The following SGIP1 variants were observed in gnomAD, a reference collection of about 807,000 sequenced individuals.
The protein encoded by SGIP1 is SH3GL interacting endocytic adaptor 1.
A neutral mutation model predicts 107.5 loss-of-function variants in SGIP1; 38 were observed. That is an observed-to-expected ratio of 0.35 (90% confidence interval 0.27 to 0.46). The LOEUF is 0.46. Among genes scored for constraint, SGIP1 ranks in the 20% least tolerant of loss-of-function variants. The pLI is 1.00. For missense variants in SGIP1, 929 were observed against 1,019.5 expected, an observed-to-expected ratio of 0.91 and a Z score of 1.21; for synonymous variants, 365 against 366.1, an observed-to-expected ratio of 1.00 and a Z score of 0.03.
At chr1:66,582,267 G>C (rs527539982) in intron 1 of SGIP1, among the ~76,000 whole-genome samples, 1 of 152,084 alleles carries the variant, frequency 6.6e-6, no homozygotes, top group Non-Finnish European at 1.5e-5. Context: ...AACATTATTT[G>C]TATAACATTG....
intron 1 of SGIP1, among the ~76,000 whole-genome samples, chr1:66,589,263 A>C (rs2063226518): frequency 7.5e-6 from 1 of 133,206 alleles, no homozygotes; most frequent in African/African-American, 2.7e-5. Context: ...GAAATTTCTC[A>C]TGACTTAAAT....
At chr1:66,673,202 A>T in intron 11 of SGIP1, 79 bp from the exon 12 acceptor site, 1 of 1,421,704 alleles carries the variant, frequency 7.0e-7, no homozygotes, top group Admixed American at 1.7e-5. Context: ...TAAGAAAAAT[A>T]TGTGAAAGCT....
intron 1 of SGIP1, among the ~76,000 whole-genome samples, chr1:66,615,780 G>T (rs934760573): frequency 3.3e-5 from 5 of 152,148 alleles, no homozygotes; most frequent in African/African-American, 1.2e-4. Context: ...GGAGATGGAA[G>T]GATGTGAAGA....
chr1:66,672,014 A>T lies in SGIP1; in HGVS notation c.560+19A>T, dbSNP rs769655797. Reference sequence around the variant, plus strand: ...TTATAAGGTGAGTGTGAAAGACATTAGTTGTGTTTTATGCAAGGCATCATG... The same window carrying T: ...TTATAAGGTGAGTGTGAAAGACATTTGTTGTGTTTTATGCAAGGCATCATG... On this transcript the variant is annotated intron_variant, in intron 11 of 24. Coordinates refer to ENST00000371037, the MANE Select transcript of SGIP1 (RefSeq NM_032291.4). The T allele has an allele frequency of 6.2e-7, 1 of 1,613,128 alleles. No individual in the cohort carries two copies. Among genetic ancestry groups the T allele is most frequent in the African/African-American group, 1.3e-5 (1 of 75,034 alleles).
chr1:66,566,022 C>T (rs569572199), intron 1 of SGIP1, among the ~76,000 whole-genome samples: 7 of 152,082 alleles, frequency 4.6e-5, no homozygotes, highest in South Asian at 4.1e-4. Context: ...TAGGTCCTTA[C>T]GGCTTCAGTT....
intron 3 of SGIP1, 71 bp downstream of exon 3, chr1:66,633,165 C>A: frequency 9.3e-7 from 1 of 1,073,926 alleles, no homozygotes; most frequent in Non-Finnish European, 1.4e-6. Context: ...TTCTCAAAGC[C>A]CTTTTTTTTT....
chr1:66,722,573 T>G (rs569444794), intron 19 of SGIP1, among the ~76,000 whole-genome samples: 3 of 152,328 alleles, frequency 2.0e-5, no homozygotes, highest in African/African-American at 7.2e-5. Flanking sequence ...TACCTGCCAT[T>G]GTGCTAGACA....
At chr1:66,552,140 G>A (rs1017361325) in intron 1 of SGIP1, among the ~76,000 whole-genome samples, 2 of 152,090 alleles carry the variant, frequency 1.3e-5, no homozygotes, top group Admixed American at 1.3e-4. Context: ...TTACCACCAG[G>A]CATCATGATG....
rs775124239 is a variant in SGIP1, at chr1:66,625,858, C to T, written c.22C>T (p.Arg8Cys). The T allele has an allele frequency of 3.0e-5, 48 of 1,611,686 alleles. No individual in the cohort carries two copies. Among genetic ancestry groups the T allele is most frequent in the African/African-American group, 5.4e-5 (4 of 74,766 alleles). MMEGLKKRTRKAFGIRKK... is the reference protein window; with the variant it reads MMEGLKKCTRKAFGIRKK... ...CTGTTTTCCCACAGGATTGAAAAAA[C>T]GTACAAGGAAGGCCTTTGGAATACG... Residue 8 changes from arginine (R) to cysteine (C), a missense_variant, in exon 2 of 25, where the codon CGT (arginine) becomes TGT (cysteine). Transcript: ENST00000371037.
At chr1:66,586,523 A>G (rs1246366635) in intron 1 of SGIP1, among the ~76,000 whole-genome samples, 1 of 152,134 alleles carries the variant, frequency 6.6e-6, no homozygotes, top group Non-Finnish European at 1.5e-5. Context: ...CATCATATTT[A>G]CATAACTTAT....
Position 66,650,162 on chromosome 1 carries a change from C to T in SGIP1, c.459+6443C>T, listed in dbSNP as rs76670950. On this transcript the variant is annotated intron_variant, in intron 7 of 24. Coordinates refer to ENST00000371037, the MANE Select transcript of SGIP1 (RefSeq NM_032291.4). ...CAGTAATTAATTACCCATTAATTAC[C>T]CAAAGCATCAAACTGGGAAAAGGTG... Among the ~76,000 whole-genome samples, 783 of 152,116 alleles carry T rather than the reference C, an allele frequency of 5.1e-3. 9 individuals carry two copies. Among genetic ancestry groups the T allele is most frequent in the African/African-American group, 0.018 (751 of 41,468 alleles).
rs597809 is a variant in SGIP1 at position 66,750,009 on chromosome 1, C to A, written c.*6914C>A. On this transcript the variant is annotated 3_prime_UTR_variant, in exon 25 of 25. Coordinates refer to ENST00000371037, the MANE Select transcript of SGIP1 (RefSeq NM_032291.4). ...TCTAATTCATATTCTCTCTCTCTCTCTCTCTCTTTCTCTGTGTGTGTGTGG... is the reference window on the plus strand; with the variant it reads ...TCTAATTCATATTCTCTCTCTCTCTATCTCTCTTTCTCTGTGTGTGTGTGG... 1.5e-4 allele frequency among the ~76,000 whole-genome samples: 14 copies of A among 95,954 alleles called. No homozygotes were observed. The highest frequency in any genetic ancestry group is 2.7e-4 in the Non-Finnish European group (12 of 43,814). The allele number at this position is 95,954 out of a possible 152,430, so 62.9% of individuals were successfully genotyped here.
intron 1 of SGIP1, among the ~76,000 whole-genome samples, chr1:66,582,448 C>T (rs552707626): frequency 6.6e-6 from 1 of 151,884 alleles, no homozygotes; most frequent in Non-Finnish European, 1.5e-5. Flanking sequence ...AGTCATTGCT[C>T]TCTGGATGAT....
intron 1 of SGIP1, among the ~76,000 whole-genome samples, chr1:66,542,159 T>G (rs1416290399): frequency 1.3e-5 from 2 of 152,000 alleles, no homozygotes; most frequent in Non-Finnish European, 2.9e-5. Context: ...TATATATACC[T>G]TCATAGATAT....
rs753115903 is a variant in SGIP1 at position 66,741,452 on chromosome 1, G to T, written c.2464+16G>T. 16 of 1,537,712 alleles carry T rather than the reference G, an allele frequency of 1.0e-5. No homozygotes were observed. The highest frequency in any genetic ancestry group is 1.4e-5 in the Non-Finnish European group (16 of 1,139,378). ...TTTGCTGCAGGTAAATGAGTATCTT[G>T]ATTTTTTCATTTGCGAAAATAATGT... On this transcript the variant is annotated intron_variant, in intron 24 of 24. Transcript: ENST00000371037.
rs767963124 is a variant in SGIP1 at position 66,553,858 on chromosome 1, A to G, written c.10+19490A>G. On this transcript the variant is annotated intron_variant, in intron 1 of 24. Coordinates refer to ENST00000371037, the MANE Select transcript of SGIP1 (RefSeq NM_032291.4). Reference sequence around the variant, plus strand: ...ATCTGTAAAATGATAGGTTTGTCACAATGATGTTGGAGTTTCCTTCCACCT... The same window carrying G: ...ATCTGTAAAATGATAGGTTTGTCACGATGATGTTGGAGTTTCCTTCCACCT... 7.2e-4 allele frequency among the ~76,000 whole-genome samples: 109 copies of G among 152,186 alleles called. 1 individual carries two copies. Among genetic ancestry groups the G allele is most frequent in the Non-Finnish European group, 1.3e-3 (85 of 67,996 alleles).
chr1:66,550,213 T>C (rs1429610968), intron 1 of SGIP1, among the ~76,000 whole-genome samples: 1 of 152,146 alleles, frequency 6.6e-6, no homozygotes, highest in Non-Finnish European at 1.5e-5. Context: ...GGCTGTGAAA[T>C]TATGGTTTAT....
At chr1:66,731,960 A>G (rs548559498) in intron 20 of SGIP1, among the ~76,000 whole-genome samples, 30 of 152,332 alleles carry the variant, frequency 2.0e-4, no homozygotes, top group Non-Finnish European at 4.3e-4. Flanking sequence ...AAGAATGCTC[A>G]AGGCTTCTTG....
At chr1:66,626,912 C>A (rs76337669) in intron 2 of SGIP1, among the ~76,000 whole-genome samples, 3,560 of 141,756 alleles carry the variant, frequency 0.025, 50 homozygotes, top group Non-Finnish European at 0.039. Flanking sequence ...CATTTATTCT[C>A]ACCTTTAGCT....
Sources: allele counts gnomAD v4.1 joint callset (sites outside exome capture counted in the v4.1 genomes callset), GRCh38; gene constraint gnomAD v4.1.1; transcripts MANE v1.5; gene names NCBI Gene and HGNC (gene_info 2026-07-23, HGNC 2026-07-21).